Variants in FUBP3 observed in about 807,000 individuals in gnomAD.
FUBP3 encodes far upstream element-binding protein 3.
A neutral mutation model predicts 85.6 loss-of-function variants in FUBP3; 28 were observed. That is an observed-to-expected ratio of 0.33 (90% confidence interval 0.24 to 0.45). The LOEUF is 0.45. FUBP3 is among the 20% of genes least tolerant of loss of function. The pLI is 1.00. For missense variants in FUBP3, 583 were observed against 755.1 expected (o/e 0.77, Z 2.67); for synonymous variants, 271 against 271.4 (o/e 1.00, Z 0.01).
intron 2 of FUBP3, among the ~76,000 whole-genome samples, chr9:130,605,303 G>C (rs145256154): frequency 3.3e-4 from 50 of 152,326 alleles, no homozygotes; most frequent in African/African-American, 1.2e-3. Context: ...TTTGTTGACT[G>C]TTGTATCCTC....
intron 11 of FUBP3, among the ~76,000 whole-genome samples, chr9:130,626,050 C>T (rs1452435894): frequency 6.6e-6 from 1 of 152,074 alleles, no homozygotes; most frequent in Non-Finnish European, 1.5e-5. Flanking sequence ...GATCGGGGCC[C>T]AGTGAGGAAA....
rs540907067 is a variant in FUBP3, at chr9:130,592,571, G to C, written c.85-2912G>C. Among the ~76,000 whole-genome samples, 63 of 152,200 alleles carry C rather than the reference G, an allele frequency of 4.1e-4. 1 individual carries two copies. The South Asian group carries it at 0.013, about 31-fold the overall frequency. On this transcript the variant is annotated intron_variant, in intron 1 of 18. Transcript: ENST00000319725. ...TTTCTGTTGTTGTTTTAAAGAGATG[G>C]GGTCTCGCTCCATCTTCCAGCTGGA...
intron 1 of FUBP3, among the ~76,000 whole-genome samples, chr9:130,592,868 C>A (rs572295269): frequency 6.6e-4 from 100 of 152,212 alleles, no homozygotes; most frequent in Middle Eastern, 6.8e-3. Flanking sequence ...AAGCAGAAAT[C>A]AGCATGTTAC....
intron 1 of FUBP3, chr9:130,581,725 T>C (rs1830137335): frequency 6.6e-6 from 1 of 152,234 alleles, no homozygotes; most frequent in African/African-American, 2.4e-5. Flanking sequence ...AAAGACAGTA[T>C]ATTTATTTAA....
intron 13 of FUBP3, 166 bp from the exon 14 acceptor site, chr9:130,631,391 G>A (rs2119124708): frequency 1.5e-6 from 2 of 1,343,538 alleles, no homozygotes; most frequent in East Asian, 2.6e-5. Flanking sequence ...AGCCATTTCT[G>A]CAGCGCAGCC....
intron 1 of FUBP3, among the ~76,000 whole-genome samples, chr9:130,590,509 A>G (rs1426434328): frequency 1.3e-5 from 2 of 152,190 alleles, no homozygotes; most frequent in Admixed American, 1.3e-4. Context: ...AAAGGGGGAA[A>G]ATAACTTGTG....
chr9:130,598,829 A>C (rs1588127060), intron 2 of FUBP3, among the ~76,000 whole-genome samples: 2 of 152,276 alleles, frequency 1.3e-5, no homozygotes, highest in East Asian at 3.9e-4. Context: ...TTTTCCCCCA[A>C]AGGCTCCCAC....
intron 16 of FUBP3, among the ~76,000 whole-genome samples, chr9:130,633,806 G>A (rs547650896): frequency 3.3e-5 from 5 of 152,280 alleles, no homozygotes; most frequent in African/African-American, 7.2e-5. Flanking sequence ...TCTTCCCCAC[G>A]CTGCTCCTCA....
chr9:130,596,666 GT>G, intron 2 of FUBP3: 1 of 453,310 alleles, frequency 2.2e-6, no homozygotes, highest in Non-Finnish European at 4.5e-6. Flanking sequence ...CTCCTAGTAC[GT>G]TTTTAAATCC....
intron 8 of FUBP3, among the ~76,000 whole-genome samples, chr9:130,619,401 ATGTG>A (rs982243203): frequency 6.7e-6 from 1 of 149,646 alleles, no homozygotes; most frequent in Non-Finnish European, 1.5e-5. Flanking sequence ...ATGTGTGTGC[ATGTG>A]TGTGTGTTTC....
rs1250691688 is a variant in FUBP3 at position 130,623,587 on chromosome 9, CCTGT to C, written c.875-21_875-18del. 6.8e-7 allele frequency: 1 copy of C among 1,477,300 alleles called. No individual in the cohort carries two copies. Among genetic ancestry groups the C allele is most frequent in the East Asian group, 2.3e-5 (1 of 44,226 alleles). 91.5% of individuals were successfully genotyped at this position (1,477,300 alleles called of 1,614,324 possible). A position where few individuals can be genotyped will look rare whatever the true frequency, so the allele number is the denominator to read the frequency against. On this transcript the variant is annotated intron_variant, in intron 10 of 18. Coordinates refer to ENST00000319725, the MANE Select transcript of FUBP3 (RefSeq NM_003934.2). ...TTCTAACGTTGGGCTTTTTTCTAATCCTGTCTCTCACCTGGCTCCTCAGATGATG... is the reference window on the plus strand; with the variant it reads ...TTCTAACGTTGGGCTTTTTTCTAATCCTCTCACCTGGCTCCTCAGATGATG...
Position 130,617,863 on chromosome 9 carries a change from C to G in FUBP3, c.634C>G (p.Leu212Val). The stretch of plus-strand genomic sequence containing the variant: ...ATTGCCCACGGGAGCAGACAAGCCT[C>G]TTCGTATCACTGGAGATGCATTTAA... ...GPLPTGADKP[L>V]RITGDAFKVQ... Residue 212 changes from leucine (L) to valine (V), a missense_variant, in exon 8 of 19, where the codon CTT (leucine) becomes GTT (valine). Transcript: ENST00000319725. The G allele has an allele frequency of 6.2e-7, 1 of 1,603,106 alleles. No individual in the cohort carries two copies. Among genetic ancestry groups the G allele is most frequent in the South Asian group, 1.1e-5 (1 of 90,812 alleles).
At chr9:130,594,316 C>T (rs907967319) in intron 1 of FUBP3, among the ~76,000 whole-genome samples, 1 of 151,836 alleles carries the variant, frequency 6.6e-6, no homozygotes, top group African/African-American at 2.4e-5. Flanking sequence ...GGCGCTGTGG[C>T]TCATGCTTGT....
At position 130,601,641 on chromosome 9, in the gene FUBP3, A is replaced by G. The variant is rs73547992; in HGVS notation, c.190+6053A>G. Among the ~76,000 whole-genome samples, 1,297 of 151,692 alleles carry G rather than the reference A, an allele frequency of 8.6e-3. 22 individuals carry two copies. Among genetic ancestry groups the G allele is most frequent in the African/African-American group, 0.03 (1,232 of 41,302 alleles). Reference sequence around the variant, plus strand: ...TTGTCCTTTTTATTCTTTTTACTTCATGACCTGCTGAAGAACAGCACCTTT... The same window carrying G: ...TTGTCCTTTTTATTCTTTTTACTTCGTGACCTGCTGAAGAACAGCACCTTT... On this transcript the variant is annotated intron_variant, in intron 2 of 18. Transcript: ENST00000319725.
chr9:130,630,657 C>A lies in FUBP3; in HGVS notation c.1147C>A (p.Gln383Lys). The change falls in exon 13 of 19, where the codon CAG becomes AAG. Residue 383 changes from glutamine (Q) to lysine (K), a missense_variant. Physicochemically the swap from Gln to Lys is moderately conservative, Grantham distance 53. Coordinates refer to ENST00000319725, the MANE Select transcript of FUBP3 (RefSeq NM_003934.2). ...GGENIKSINQ[Q>K]SGAHVELQRN... Reference sequence around the variant, plus strand: ...TGAGAACATCAAAAGCATCAACCAGCAGTCAGGGGCGCACGTGGAGCTTCA... The same window carrying A: ...TGAGAACATCAAAAGCATCAACCAGAAGTCAGGGGCGCACGTGGAGCTTCA... 1 of 1,600,900 alleles carries A rather than the reference C, an allele frequency of 6.2e-7. No individual in the cohort carries two copies. The highest frequency in any genetic ancestry group is 8.5e-7 in the Non-Finnish European group (1 of 1,173,870).
Position 130,616,426 on chromosome 9 carries a change from A to C in FUBP3, c.476A>C (p.Asp159Ala). Residue 159 changes from aspartate to alanine, a missense_variant, in exon 7 of 19, where the codon GAC becomes GCC. Transcript: ENST00000319725. The surrounding 1 kb of genome is among the most constrained non-coding windows in gnomAD (Gnocchi z 4.7). ...RNGPGFHNDI[D>A]SNSTIQEILI... is the part of the protein sequence containing the mutation. ...GGACCTGGCTTTCATAATGACATAGACAGCAACAGCACAATCCAGGAGATT... is the reference window on the plus strand; with the variant it reads ...GGACCTGGCTTTCATAATGACATAGCCAGCAACAGCACAATCCAGGAGATT... 5 of 1,613,998 alleles carry C rather than the reference A, an allele frequency of 3.1e-6. No individual in the cohort carries two copies. The highest frequency in any genetic ancestry group is 4.2e-6 in the Non-Finnish European group (5 of 1,179,872).
At position 130,636,316 on chromosome 9, in the gene FUBP3, A is replaced by T. The variant is rs536284692; in HGVS notation, c.1710+190A>T. ...CCCTCTGTCCCTCCTCGCTCTGGAG[A>T]AAAAGAGTTTAGGCCAAGTGGGAGG... On this transcript the variant is annotated intron_variant, in intron 18 of 18. Coordinates refer to ENST00000319725, the MANE Select transcript of FUBP3 (RefSeq NM_003934.2). 326 of 706,612 alleles carry T rather than the reference A, an allele frequency of 4.6e-4. 8 individuals are homozygous for T. The South Asian group carries it at 4.8e-3, about 10-fold the overall frequency. 43.8% of individuals were successfully genotyped at this position (706,612 alleles called of 1,614,324 possible).
intron 1 of FUBP3, 93 bp downstream of exon 1, chr9:130,579,857 G>C (rs780675339): frequency 1.3e-6 from 1 of 763,512 alleles, no homozygotes; most frequent in East Asian, 3.4e-5. Flanking sequence ...GCGGGAGGCA[G>C]CCTGAACCGA....
In FUBP3 at chr9:130,579,638, G is replaced by GGGGAGCCGA; in HGVS notation, c.-43_-42insGGGAGCCGA. The GGGGAGCCGA allele has an allele frequency of 1.7e-6, 2 of 1,151,986 alleles. No homozygotes were observed. Among genetic ancestry groups the GGGGAGCCGA allele is most frequent in the Non-Finnish European group, 2.2e-6 (2 of 914,152 alleles). 71.4% of individuals were successfully genotyped at this position (1,151,986 alleles called of 1,614,324 possible). A position where few individuals can be genotyped will look rare whatever the true frequency, so the allele number is the denominator to read the frequency against. On this transcript the variant is annotated 5_prime_UTR_variant, in exon 1 of 19. Coordinates refer to ENST00000319725, the MANE Select transcript of FUBP3 (RefSeq NM_003934.2). ...CCGGACCGGGGAGCCGAGCGGCGGC[G>GGGGAGCCGA]TCGGCGGCGTCGGCGGCGGCGGCGA...
Sources: gnomAD v4.1 joint callset for allele counts (sites outside exome capture counted in the v4.1 genomes callset) on GRCh38, gnomAD v4.1.1 for gene constraint, Gnocchi (gnomAD v3.1) non-coding constraint, MANE v1.5 for transcripts, NCBI Gene and HGNC (gene_info 2026-07-23, HGNC 2026-07-21) for gene names.